PCGF3: variants seen among roughly 807,000 people sequenced by gnomAD.
The protein encoded by PCGF3 is polycomb group RING finger protein 3.
Under a neutral mutation model 33.1 loss-of-function variants are expected in PCGF3, and 7 were observed. The ratio of observed to expected loss-of-function variants is 0.21; its 90% confidence interval spans 0.12 to 0.40. The LOEUF (loss-of-function observed/expected upper bound fraction) is 0.40, where lower values mean the gene tolerates loss of function less well. Ranked by LOEUF, PCGF3 falls within the 10% of genes least tolerant of loss-of-function variation. The pLI is 1.00. For missense variants in PCGF3, 211 were observed against 313.3 expected (o/e 0.67, Z 2.46); for synonymous variants, 153 against 121.3 (o/e 1.26, Z -1.72).
intron 8 of PCGF3, among the ~76,000 whole-genome samples, chr4:758,733 T>G (rs11722414): frequency 0.047 from 466 of 9,854 alleles, 3 homozygotes; most frequent in Non-Finnish European, 0.064. Flanking sequence ...CTTTCTCCCC[T>G]CGCGGCCCCT....
intron 8 of PCGF3, among the ~76,000 whole-genome samples, chr4:756,586 A>G (rs547397155): frequency 6.6e-6 from 1 of 152,276 alleles, no homozygotes; most frequent in African/African-American, 2.4e-5. Flanking sequence ...AAATAATTCT[A>G]GAATTTTCAT....
chr4:732,909 G>A (rs999840564), intron 3 of PCGF3, among the ~76,000 whole-genome samples: 5 of 152,224 alleles, frequency 3.3e-5, no homozygotes, highest in Admixed American at 6.5e-5. Flanking sequence ...TCTGCCTGCC[G>A]TCGTGCGGTG....
intron 1 of PCGF3, among the ~76,000 whole-genome samples, chr4:717,626 C>T: frequency 6.6e-6 from 1 of 152,220 alleles, no homozygotes; most frequent in East Asian, 1.9e-4. Context: ...GATCTGCCCA[C>T]CTTGGCCTTG....
At chr4:709,897 A>G (rs563712297) in intron 1 of PCGF3, among the ~76,000 whole-genome samples, 3 of 152,024 alleles carry the variant, frequency 2.0e-5, no homozygotes, top group East Asian at 3.9e-4. Context: ...TTTACTCAAC[A>G]CTTCCTTCTG....
rs1743074663 is a variant in PCGF3 at position 721,512 on chromosome 4, G to T, written c.-189-9118G>T. Among the ~76,000 whole-genome samples the T allele has an allele frequency of 6.6e-6, 1 of 152,114 alleles. No homozygotes were observed. Among genetic ancestry groups the T allele is most frequent in the African/African-American group, 2.4e-5 (1 of 41,426 alleles). On this transcript the variant is annotated intron_variant, in intron 1 of 10. Coordinates refer to ENST00000362003, the Ensembl canonical transcript of PCGF3. The surrounding 1 kb of genome is among the most constrained non-coding windows in gnomAD (Gnocchi z 4.1). ...GTGCCGGGGTGGAGAGCGGAAGAGA[G>T]AGGGAGTCGGTGCCTTAGGAGGCTG...
intron 1 of PCGF3, among the ~76,000 whole-genome samples, chr4:711,024 A>G (rs1324106652): frequency 6.6e-6 from 1 of 152,256 alleles, no homozygotes; most frequent in African/African-American, 2.4e-5. Context: ...CACACTGGAC[A>G]TTTGACCGGT....
chr4:749,980 T>G (rs2152602098), intron 8 of PCGF3, among the ~76,000 whole-genome samples: 1 of 152,278 alleles, frequency 6.6e-6, no homozygotes, highest in East Asian at 1.9e-4. Context: ...TTTTTAATTT[T>G]TTGTAGAGAT....
At chr4:732,667 G>C (rs917144354) in intron 3 of PCGF3, among the ~76,000 whole-genome samples, 3 of 152,148 alleles carry the variant, frequency 2.0e-5, no homozygotes, top group Admixed American at 6.5e-5. Flanking sequence ...AGAGCTCCAG[G>C]CTGGGCCTCT....
At position 720,319 on chromosome 4, in the gene PCGF3, G is replaced by C. The variant is rs1743019944; in HGVS notation, c.-189-10311G>C. Among the ~76,000 whole-genome samples, 5 of 152,064 alleles carry C rather than the reference G, an allele frequency of 3.3e-5. No homozygotes were observed. The South Asian group carries it at 1.0e-3, about 31-fold the overall frequency. ...TGCCCGCCCATGCATCGCTGGGGAGGGTGACTGCGGGAGGAGCGCCTGTGC... is the reference window on the plus strand; with the variant it reads ...TGCCCGCCCATGCATCGCTGGGGAGCGTGACTGCGGGAGGAGCGCCTGTGC... On this transcript the variant is annotated intron_variant, in intron 1 of 10. Transcript: ENST00000362003. This position sits in a 1 kb window ranked among gnomAD's most constrained non-coding sequence, Gnocchi z 5.6.
chr4:764,923 T>G (rs887089179), intron 9 of PCGF3, 61 bp from the exon 10 acceptor site: 12 of 1,101,796 alleles, frequency 1.1e-5, no homozygotes, highest in African/African-American at 1.5e-5. Flanking sequence ...AGCATCAAGG[T>G]GGCCATGTCA....
At chr4:724,647 A>T (rs1226372048) in intron 1 of PCGF3, among the ~76,000 whole-genome samples, 11 of 152,118 alleles carry the variant, frequency 7.2e-5, no homozygotes, top group Non-Finnish European at 1.6e-4. Context: ...AACGTGGTGA[A>T]ACCCCCGTCT....
intron 8 of PCGF3, among the ~76,000 whole-genome samples, chr4:754,313 C>G (rs1036578810): frequency 1.3e-5 from 2 of 152,210 alleles, no homozygotes; most frequent in African/African-American, 4.8e-5. Flanking sequence ...CCCACTGGCT[C>G]CTGTCCGCAC....
At chr4:709,436 G>T (rs1377471094) in intron 1 of PCGF3, among the ~76,000 whole-genome samples, 1 of 152,126 alleles carries the variant, frequency 6.6e-6, no homozygotes, top group Non-Finnish European at 1.5e-5. Flanking sequence ...ACAAATGAAT[G>T]AAAGGCAAGA....
At chr4:737,369 C>T (rs1470828239) in intron 5 of PCGF3, 97 bp from the exon 6 acceptor site, 2 of 819,054 alleles carry the variant, frequency 2.4e-6, no homozygotes, top group Non-Finnish European at 4.2e-6. Context: ...AAGCTCCAGA[C>T]TGGTGATTCT....
At chr4:711,651 G>A (rs1742575865) in intron 1 of PCGF3, among the ~76,000 whole-genome samples, 2 of 150,424 alleles carry the variant, frequency 1.3e-5, no homozygotes, top group South Asian at 4.2e-4. Context: ...TAGAGACGGG[G>A]TTTCACCTTG....
At chr4:747,665 G>T (rs1184240156) in intron 8 of PCGF3, among the ~76,000 whole-genome samples, 1 of 136,818 alleles carries the variant, frequency 7.3e-6, no homozygotes, top group Non-Finnish European at 1.7e-5. Flanking sequence ...CGGGGCCCCG[G>T]GGTCGCTGCA....
chr4:705,960 C>G (rs1348115381), exon 1 of PCGF3: 3 of 152,198 alleles, frequency 2.0e-5, no homozygotes, highest in Admixed American at 1.3e-4. Flanking sequence ...CCCGCAGCCC[C>G]GAGACCGCAG....
chr4:734,725 T>C (rs1261732283), intron 4 of PCGF3: 5 of 1,358,762 alleles, frequency 3.7e-6, no homozygotes, highest in East Asian at 5.6e-5. Context: ...AGGAAGCCCA[T>C]TGACGGGGCA....
At chr4:747,721 G>A (rs1224649298) in intron 8 of PCGF3, among the ~76,000 whole-genome samples, 1 of 152,112 alleles carries the variant, frequency 6.6e-6, no homozygotes, top group African/African-American at 2.4e-5. Flanking sequence ...GCGGGGCCCC[G>A]GGCCTCCGGG....
Sources: gnomAD v4.1 joint callset for allele counts (sites outside exome capture counted in the v4.1 genomes callset) on GRCh38, gnomAD v4.1.1 for gene constraint, Gnocchi (gnomAD v3.1) non-coding constraint, MANE v1.5 for transcripts, NCBI Gene and HGNC (gene_info 2026-07-23, HGNC 2026-07-21) for gene names.